Variants in TANGO6 observed in about 807,000 individuals in gnomAD.
TANGO6 encodes the protein transport and Golgi organization protein 6 homolog.
TANGO6 carries 90 observed loss-of-function variants against 114.2 expected under a neutral mutation model. The observed-to-expected ratio is 0.79, with a 90% CI of 0.66 to 0.94. The LOEUF (loss-of-function observed/expected upper bound fraction) is 0.94, where lower values mean the gene tolerates loss of function less well. TANGO6 is among the 40% of genes least tolerant of loss of function. The pLI, the probability that TANGO6 is intolerant of heterozygous loss-of-function variation, is 0.00. For missense variants in TANGO6, 1,274 were observed against 1,315.3 expected (o/e 0.97, Z 0.49); for synonymous variants, 477 against 509.8 (o/e 0.94, Z 0.87).
At chr16:69,075,979 G>A (rs1263775362) in intron 17 of TANGO6, among the ~76,000 whole-genome samples, 1 of 151,242 alleles carries the variant, frequency 6.6e-6, no homozygotes, top group Non-Finnish European at 1.5e-5. Context: ...TGGCCAGGAT[G>A]GTCTCAATCT....
intron 17 of TANGO6, among the ~76,000 whole-genome samples, chr16:69,063,235 A>C (rs538806891): frequency 2.0e-5 from 3 of 150,730 alleles, no homozygotes; most frequent in South Asian, 2.1e-4. Context: ...AAAAAAAAAA[A>C]AACACTGGGG....
At chr16:69,004,017 A>T (rs1370052367) in intron 15 of TANGO6, among the ~76,000 whole-genome samples, 1 of 152,102 alleles carries the variant, frequency 6.6e-6, no homozygotes, top group Non-Finnish European at 1.5e-5. Flanking sequence ...AAAAAAAAAA[A>T]ATTTTTTTCA....
intron 15 of TANGO6, among the ~76,000 whole-genome samples, chr16:69,008,741 C>T (rs1183724340): frequency 2.0e-5 from 3 of 151,924 alleles, no homozygotes; most frequent in African/African-American, 2.4e-5. Context: ...CTCCCAGGCT[C>T]AACCAATTTT....
In TANGO6 at chr16:68,907,099, ATTTTTTTTT is replaced by A. The variant is rs546359676; in HGVS notation, c.1668-331_1668-323del. On this transcript the variant is annotated intron_variant, in intron 9 of 17. Transcript: ENST00000261778. ...TGTGAGCCACCTCACCCAGACCTTG[ATTTTTTTTT>A]TTTTTTTTTTTTGTATTTTTAGTAG... 2.6e-5 allele frequency among the ~76,000 whole-genome samples: 3 copies of A among 114,608 alleles called. No homozygotes were observed. In the East Asian group the frequency reaches 7.7e-4, roughly 29 times the overall value. 75.2% of individuals were successfully genotyped at this position (114,608 alleles called of 152,430 possible). A position where few individuals can be genotyped will look rare whatever the true frequency, so the allele number is the denominator to read the frequency against.
chr16:69,037,270 G>C (rs1959703732), intron 16 of TANGO6, among the ~76,000 whole-genome samples: 1 of 152,108 alleles, frequency 6.6e-6, no homozygotes, highest in Non-Finnish European at 1.5e-5. Flanking sequence ...TACACTGAGA[G>C]CTGAGGTGGA....
rs1567536973 is a variant in TANGO6, at chr16:68,907,431, CCTGCA to C, written c.1668-11_1668-7del. On this transcript the variant is annotated splice_polypyrimidine_tract_variant and splice_region_variant and intron_variant, in intron 9 of 17. Transcript: ENST00000261778. ...GTGACACTACCAAGATAAATTTTAC[CCTGCA>C]TTGCAGTGATGAAGATGAAGATGAA... 6.4e-7 allele frequency: 1 copy of C among 1,559,498 alleles called. No individual in the cohort carries two copies. The highest frequency in any genetic ancestry group is 1.2e-5 in the South Asian group (1 of 82,266).
intron 1 of TANGO6, among the ~76,000 whole-genome samples, chr16:68,849,942 T>G (rs1596986793): frequency 6.6e-6 from 1 of 151,952 alleles, no homozygotes; most frequent in Middle Eastern, 3.4e-3. Flanking sequence ...CTGTAATTGC[T>G]TGATTACATA....
intron 14 of TANGO6, among the ~76,000 whole-genome samples, chr16:68,972,406 T>C (rs749511852): frequency 6.6e-6 from 1 of 152,154 alleles, no homozygotes; most frequent in Non-Finnish European, 1.5e-5. Context: ...GCACGTAGAC[T>C]TTGCCTGCAA....
intron 1 of TANGO6, 97 bp from the exon 2 acceptor site, chr16:68,859,787 C>A: frequency 1.5e-6 from 2 of 1,358,508 alleles, no homozygotes; most frequent in Non-Finnish European, 2.0e-6. Context: ...TGGCGCCCGG[C>A]CTGCGAGGAT....
chr16:68,915,081 G>T (rs762180392), intron 11 of TANGO6, among the ~76,000 whole-genome samples: 1 of 150,294 alleles, frequency 6.7e-6, no homozygotes, highest in Non-Finnish European at 1.5e-5. Flanking sequence ...GGCTGAGGCA[G>T]GAGTATTGCT....
At chr16:69,027,504 T>G (rs1959522206) in intron 16 of TANGO6, among the ~76,000 whole-genome samples, 2 of 152,132 alleles carry the variant, frequency 1.3e-5, no homozygotes, top group Admixed American at 1.3e-4. Flanking sequence ...CTAATATATG[T>G]GAACCGTTAG....
chr16:69,066,593 G>A (rs772935333), intron 17 of TANGO6, among the ~76,000 whole-genome samples: 51 of 152,018 alleles, frequency 3.4e-4, no homozygotes, highest in Non-Finnish European at 5.6e-4. Flanking sequence ...CACCGCGCCC[G>A]GACTTCCCCT....
intron 12 of TANGO6, among the ~76,000 whole-genome samples, chr16:68,925,165 G>A (rs1963150097): frequency 6.6e-6 from 1 of 152,030 alleles, no homozygotes; most frequent in Admixed American, 6.6e-5. Flanking sequence ...ACAAAAATTA[G>A]CCAGGCATGG....
chr16:68,926,039 T>C (rs1430360857), intron 12 of TANGO6, among the ~76,000 whole-genome samples: 1 of 145,490 alleles, frequency 6.9e-6, no homozygotes, highest in African/African-American at 2.5e-5. Context: ...TCTTGGCTGG[T>C]TTTTTTTTTT....
chr16:69,065,627 G>C (rs570105263), intron 17 of TANGO6, among the ~76,000 whole-genome samples: 1 of 152,204 alleles, frequency 6.6e-6, no homozygotes, highest in Non-Finnish European at 1.5e-5. Context: ...TAAAATAAAA[G>C]GTTTTTGAAA....
At chr16:68,868,923 A>C (rs1335298614) in intron 4 of TANGO6, among the ~76,000 whole-genome samples, 2 of 152,062 alleles carry the variant, frequency 1.3e-5, no homozygotes, top group African/African-American at 4.8e-5. Context: ...TCCCCCAAGT[A>C]CATTTTTATT....
At chr16:68,980,891 A>T (rs1347162747) in intron 15 of TANGO6, among the ~76,000 whole-genome samples, 1 of 151,932 alleles carries the variant, frequency 6.6e-6, no homozygotes, top group Non-Finnish European at 1.5e-5. Context: ...GCTACTCGGG[A>T]AGCTGACGCA....
At chr16:68,879,493 A>G (rs2152170108) in intron 6 of TANGO6, among the ~76,000 whole-genome samples, 1 of 152,254 alleles carries the variant, frequency 6.6e-6, no homozygotes, top group Middle Eastern at 3.4e-3. Flanking sequence ...CAAATAAATA[A>G]AAATAAAATA....
chr16:68,963,333 C>G (rs1963613193), intron 14 of TANGO6, among the ~76,000 whole-genome samples: 1 of 152,106 alleles, frequency 6.6e-6, no homozygotes, highest in South Asian at 2.1e-4. Flanking sequence ...CCAGGCTGGT[C>G]TTGAACTCCT....
Sources: gnomAD v4.1 joint callset for allele counts (sites outside exome capture counted in the v4.1 genomes callset) on GRCh38, gnomAD v4.1.1 for gene constraint, MANE v1.5 for transcripts, NCBI Gene and HGNC (gene_info 2026-07-23, HGNC 2026-07-21) for gene names.